LCOR: variants seen among roughly 807,000 people sequenced by gnomAD.
LCOR encodes ligand dependent nuclear receptor corepressor.
In LCOR, 14 loss-of-function variants were observed where a neutral mutation model predicts 64.4. The ratio of observed to expected loss-of-function variants is 0.22; its 90% CI spans 0.14 to 0.34. The LOEUF is 0.34. Among genes scored for constraint, LCOR ranks in the 10% least tolerant of loss-of-function variants. LCOR has a pLI of 1.00. For synonymous variants in LCOR, 643 were observed against 642.5 expected (o/e 1.00, Z -0.01); for missense variants, 1,686 against 1,765.3 (o/e 0.96, Z 0.80).
intron 2 of LCOR, among the ~76,000 whole-genome samples, chr10:96,870,121 C>T (rs1253089476): frequency 6.6e-6 from 1 of 152,114 alleles, no homozygotes; most frequent in Non-Finnish European, 1.5e-5. Context: ...GTGGCACGTT[C>T]TCGGCTCACT....
chr10:96,898,754 C>CTT (rs1407060916), intron 2 of LCOR, among the ~76,000 whole-genome samples: 1 of 152,058 alleles, frequency 6.6e-6, no homozygotes, highest in Non-Finnish European at 1.5e-5. Context: ...AGTAATAGTG[C>CTT]TTGTTTTACA....
At chr10:96,967,938 C>T (rs995426245) in intron 7 of LCOR, among the ~76,000 whole-genome samples, 18 of 152,056 alleles carry the variant, frequency 1.2e-4, no homozygotes, top group Middle Eastern at 3.2e-3. Context: ...CAGAATCAAC[C>T]TTTTAAAAAT....
At chr10:96,835,915 G>GGAGT (rs1352412226) in intron 2 of LCOR, among the ~76,000 whole-genome samples, 1 of 152,166 alleles carries the variant, frequency 6.6e-6, no homozygotes, top group Non-Finnish European at 1.5e-5. Flanking sequence ...TGATTATTAA[G>GGAGT]GAGTCCTCTG....
chr10:96,954,886 G>A, intron 7 of LCOR: 1 of 1,268,954 alleles, frequency 7.9e-7, no homozygotes, highest in Non-Finnish European at 1.1e-6. Flanking sequence ...TAAAGGAGTG[G>A]TCCCCTCACC....
At chr10:96,941,259 C>G (rs1387581787) in intron 4 of LCOR, among the ~76,000 whole-genome samples, 1 of 141,932 alleles carries the variant, frequency 7.0e-6, no homozygotes, top group Non-Finnish European at 1.6e-5. Flanking sequence ...ACCTCCCTCC[C>G]GGACGGGGCG....
intron 4 of LCOR, among the ~76,000 whole-genome samples, chr10:96,925,534 GCAT>G (rs1847154068): frequency 6.6e-6 from 1 of 152,004 alleles, no homozygotes; most frequent in South Asian, 2.1e-4. Flanking sequence ...CCTCCTTTAT[GCAT>G]CATATCATGA....
At chr10:96,870,570 A>T (rs898445923) in intron 2 of LCOR, among the ~76,000 whole-genome samples, 1 of 152,186 alleles carries the variant, frequency 6.6e-6, no homozygotes, top group African/African-American at 2.4e-5. Flanking sequence ...AAGTCTTTTT[A>T]AAGTTTTGAA....
chr10:96,918,844 G>A (rs1445514129), intron 4 of LCOR, among the ~76,000 whole-genome samples: 1 of 152,196 alleles, frequency 6.6e-6, no homozygotes, highest in East Asian at 1.9e-4. Flanking sequence ...AGATATGAAA[G>A]CATTGTTTAA....
rs566734286 is a variant in LCOR at position 96,908,817 on chromosome 10, G to A, written c.-184+1070G>A. ...TGCAGGCTCCCCCCTCCGGGTTTAC[G>A]CCATTCTCCTGCCTCAGCCTCACGA... On this transcript the variant is annotated intron_variant, in intron 4 of 7. Coordinates refer to ENST00000421806, the MANE Select transcript of LCOR (RefSeq NM_001346516.2). Among the ~76,000 whole-genome samples the A allele has an allele frequency of 1.0e-3, 154 of 151,940 alleles. 1 individual carries two copies. The highest frequency in any genetic ancestry group is 1.5e-3 in the Admixed American group (23 of 15,258).
chr10:96,835,517 A>T (rs1027886089), intron 2 of LCOR, among the ~76,000 whole-genome samples: 6 of 152,194 alleles, frequency 3.9e-5, no homozygotes, highest in Non-Finnish European at 8.8e-5. Flanking sequence ...TAAGTAAATT[A>T]ATTGTAGTGT....
chr10:96,886,562 T>A (rs746156046), intron 2 of LCOR, among the ~76,000 whole-genome samples: 3 of 152,246 alleles, frequency 2.0e-5, no homozygotes, highest in Non-Finnish European at 4.4e-5. Flanking sequence ...TTCTTTGTAA[T>A]AATTGTAGAT....
chr10:96,834,940 G>GC (rs1845416365), intron 2 of LCOR, among the ~76,000 whole-genome samples: 1 of 152,076 alleles, frequency 6.6e-6, no homozygotes, highest in Non-Finnish European at 1.5e-5. Context: ...TCACTCTTTT[G>GC]CCCGGGCTGG....
At chr10:96,900,141 C>T (rs1216675457) in intron 2 of LCOR, among the ~76,000 whole-genome samples, 3 of 152,076 alleles carry the variant, frequency 2.0e-5, no homozygotes, top group Admixed American at 6.6e-5. Flanking sequence ...ATAGATTTGC[C>T]TTTTCAGTAC....
intron 2 of LCOR, among the ~76,000 whole-genome samples, chr10:96,835,325 T>G (rs1349138792): frequency 6.6e-6 from 1 of 152,252 alleles, no homozygotes; most frequent in East Asian, 1.9e-4. Context: ...TCTTAAAGCA[T>G]ACTTTTAACT....
At chr10:96,897,456 AC>A (rs1846558680) in intron 2 of LCOR, among the ~76,000 whole-genome samples, 1 of 152,188 alleles carries the variant, frequency 6.6e-6, no homozygotes, top group South Asian at 2.1e-4. Flanking sequence ...AGCATGATTA[AC>A]CTAGACAGTT....
rs1184202098 is a variant in LCOR, at chr10:96,982,115, G to A, written c.1655G>A (p.Arg552Lys). 6.2e-7 allele frequency: 1 copy of A among 1,614,136 alleles called. No homozygotes were observed. The highest frequency in any genetic ancestry group is 8.5e-7 in the Non-Finnish European group (1 of 1,180,026). ...CAGACCCTTACAATTCCAGCCCCTA[G>A]ACATACAGTAGATGTGCAGCTTCCC... Reference protein sequence around the residue: ...PKQTLTIPAPRHTVDVQLPRE... With the variant: ...PKQTLTIPAPKHTVDVQLPRE... The change falls in exon 8 of 8, where the codon AGA becomes AAA. Residue 552 changes from arginine to lysine, a missense_variant. This residue lies in a region of LCOR where 1,293 missense variants were observed against 1,410.4 expected (regional missense o/e 0.92). Coordinates refer to ENST00000421806, the MANE Select transcript of LCOR (RefSeq NM_001346516.2).
chr10:96,907,285 G>T lies in LCOR; in HGVS notation c.-309G>T. On this transcript the variant is annotated 5_prime_UTR_variant, in exon 3 of 8. It adds an upstream start codon to the 5' untranslated region. Coordinates refer to ENST00000421806, the MANE Select transcript of LCOR (RefSeq NM_001346516.2). ...TTCAGGGTTTGAAAGTATTCTTGAA[G>T]GGCTGTTTGGACCTGCATTATTAAA... 1.0e-6 allele frequency: 1 copy of T among 981,278 alleles called. No homozygotes were observed. The highest frequency in any genetic ancestry group is 1.2e-6 in the Non-Finnish European group (1 of 825,852). The allele number at this position is 981,278 out of a possible 1,614,324, so 60.8% of individuals were successfully genotyped here. A position where few individuals can be genotyped will look rare whatever the true frequency, so the allele number is the denominator to read the frequency against.
At chr10:96,873,785 G>C (rs1245592904) in intron 2 of LCOR, among the ~76,000 whole-genome samples, 1 of 152,034 alleles carries the variant, frequency 6.6e-6, no homozygotes, top group Non-Finnish European at 1.5e-5. Context: ...TATAGTTTTA[G>C]TAGAGATGGG....
chr10:96,847,483 C>T (rs1845651107), intron 2 of LCOR, among the ~76,000 whole-genome samples: 1 of 151,910 alleles, frequency 6.6e-6, no homozygotes, highest in Non-Finnish European at 1.5e-5. Flanking sequence ...CTTAATGTTG[C>T]CCAGGCTGGA....
Sources: gnomAD v4.1 joint callset for allele counts (sites outside exome capture counted in the v4.1 genomes callset) on GRCh38, gnomAD v4.1.1 for gene constraint, gnomAD v4.1.1 regional missense constraint, MANE v1.5 for transcripts, NCBI Gene and HGNC (gene_info 2026-07-23, HGNC 2026-07-21) for gene names.